The following ENPP3 variants were observed in gnomAD, a reference collection of about 807,000 sequenced individuals.
ENPP3 encodes ectonucleotide pyrophosphatase/phosphodiesterase family member 3.
A neutral mutation model predicts 117.8 loss-of-function variants in ENPP3; 104 were observed. That is an observed-to-expected ratio of 0.88 (90% CI 0.75 to 1.04). ENPP3 has a LOEUF of 1.04. ENPP3 is among the 50% of genes least tolerant of loss of function. The pLI is 0.00. For synonymous variants in ENPP3, 380 were observed against 349.9 expected (o/e 1.09, Z -0.96); for missense variants, 1,026 against 1,051.9 (o/e 0.98, Z 0.34).
chr6:131,718,825 C>T (rs1401937707), intron 16 of ENPP3, 87 bp downstream of exon 16: 1 of 728,420 alleles, frequency 1.4e-6, no homozygotes, highest in East Asian at 2.7e-5. Flanking sequence ...AGGTAAACAT[C>T]TGTCATGGGG....
intron 23 of ENPP3, among the ~76,000 whole-genome samples, chr6:131,739,471 T>C (rs953459339): frequency 1.3e-5 from 2 of 152,090 alleles, no homozygotes; most frequent in African/African-American, 4.8e-5. Flanking sequence ...TTTGTGGAAG[T>C]GCACGGCTGG....
In ENPP3 at chr6:131,709,681, C is replaced by G. The variant is rs753832224; in HGVS notation, c.1413-8991C>G. ...CTGCTTTTGATAAAAATGAACAGTT[C>G]TCTCCAATTCTTCTTCAAGATCTTT... On this transcript the variant is annotated intron_variant, in intron 15 of 24. Coordinates refer to ENST00000357639, the MANE Select transcript of ENPP3 (RefSeq NM_005021.5). 1.9e-6 allele frequency: 3 copies of G among 1,613,376 alleles called. No individual in the cohort carries two copies. The South Asian group carries it at 3.3e-5, about 18-fold the overall frequency.
At chr6:131,676,882 A>T in intron 10 of ENPP3, 81 bp downstream of exon 10, 1 of 926,610 alleles carries the variant, frequency 1.1e-6, no homozygotes, top group Non-Finnish European at 1.7e-6. Context: ...TTTACTTTAA[A>T]TTACAATTTT....
intron 15 of ENPP3, chr6:131,710,784 A>T (rs1364677868): frequency 1.9e-6 from 3 of 1,613,206 alleles, no homozygotes; most frequent in Admixed American, 1.7e-5. Flanking sequence ...GCGTTGCACC[A>T]AGTTTTTGCT....
intron 12 of ENPP3, among the ~76,000 whole-genome samples, chr6:131,684,060 A>G (rs758637157): frequency 5.9e-5 from 9 of 152,020 alleles, no homozygotes; most frequent in Non-Finnish European, 1.3e-4. Flanking sequence ...CTCTACAGAT[A>G]TTTTTTTAAG....
At chr6:131,641,076 A>G (rs1167998917) in intron 1 of ENPP3, among the ~76,000 whole-genome samples, 1 of 152,198 alleles carries the variant, frequency 6.6e-6, no homozygotes, top group African/African-American at 2.4e-5. Flanking sequence ...CAGTTCTGCA[A>G]TTCTTTTCAA....
rs1778959387 is a variant in ENPP3 at position 131,679,057 on chromosome 6, C to CT, written c.1011+1120dup. Reference sequence around the variant, plus strand: ...TCTTTCTTTCTTTCTTTCTTTCTTTCTTTCTTTCTTTCTTTCTTTCTTTCT... The same window carrying CT: ...TCTTTCTTTCTTTCTTTCTTTCTTTCTTTTCTTTCTTTCTTTCTTTCTTTCT... On this transcript the variant is annotated intron_variant, in intron 11 of 24. Transcript: ENST00000357639. 2.3e-4 allele frequency among the ~76,000 whole-genome samples: 29 copies of CT among 125,668 alleles called. No individual in the cohort carries two copies. The South Asian group carries it at 7.3e-3, about 32-fold the overall frequency. The allele number at this position is 125,668 out of a possible 152,430, so 82.4% of individuals were successfully genotyped here.
At position 131,746,791 on chromosome 6, in the gene ENPP3, T is replaced by C. The variant is rs889317545; in HGVS notation, c.2463T>C (p.Gly821=). Residue 821 remains glycine, a synonymous_variant, in exon 25 of 25, where the codon GGT becomes GGC. Coordinates refer to ENST00000357639, the MANE Select transcript of ENPP3 (RefSeq NM_005021.5). ...RPTNVESCPE[G]KPEALWVEER... ...GTTGTGCTTTTCTTTTTCAGGAAGG[T>C]AAACCAGAAGCTCTTTGGGTTGAAG... 2.5e-6 allele frequency: 4 copies of C among 1,599,150 alleles called. No individual in the cohort carries two copies. The highest frequency in any genetic ancestry group is 3.4e-6 in the Non-Finnish European group (4 of 1,175,650).
intron 2 of ENPP3, among the ~76,000 whole-genome samples, chr6:131,645,088 A>T (rs1219292829): frequency 1.3e-5 from 2 of 152,206 alleles, no homozygotes; most frequent in Non-Finnish European, 2.9e-5. Flanking sequence ...ACTCTTTGGC[A>T]TGTACCCAAC....
At chr6:131,726,481 A>C (rs1028546879) in intron 20 of ENPP3, among the ~76,000 whole-genome samples, 1 of 152,210 alleles carries the variant, frequency 6.6e-6, no homozygotes, top group African/African-American at 2.4e-5. Context: ...AAACAGAAGC[A>C]ACAGGAAGTA....
chr6:131,686,239 G>A lies in ENPP3; in HGVS notation c.1284+332G>A, dbSNP rs190681943. Among the ~76,000 whole-genome samples, 7 of 152,196 alleles carry A rather than the reference G, an allele frequency of 4.6e-5. No individual in the cohort carries two copies. In the East Asian group the frequency reaches 9.7e-4, roughly 21 times the overall value. On this transcript the variant is annotated intron_variant, in intron 14 of 24. Coordinates refer to ENST00000357639, the MANE Select transcript of ENPP3 (RefSeq NM_005021.5). ...CATTTTTTGTGTGACTAATATAAGA[G>A]GATAGTGAATTATACCTCTTACAGA...
At chr6:131,675,303 G>T (rs1778843080) in intron 9 of ENPP3, 114 bp downstream of exon 9, 2 of 670,900 alleles carry the variant, frequency 3.0e-6, no homozygotes, top group East Asian at 2.7e-5. Flanking sequence ...AAAATCTTGG[G>T]AATCACCATT....
intron 6 of ENPP3, among the ~76,000 whole-genome samples, chr6:131,659,557 T>A (rs1382132488): frequency 6.6e-6 from 1 of 152,186 alleles, no homozygotes; most frequent in African/African-American, 2.4e-5. Flanking sequence ...TTTCTGGGCC[T>A]CAGTTTCCTC....
intron 24 of ENPP3, among the ~76,000 whole-genome samples, chr6:131,746,066 C>T (rs1780629544): frequency 6.6e-6 from 1 of 151,632 alleles, no homozygotes; most frequent in Admixed American, 6.6e-5. Flanking sequence ...TGCACTCCAG[C>T]CTGGGTGACA....
intron 2 of ENPP3, chr6:131,642,907 G>A (rs1216867901): frequency 1.3e-5 from 2 of 152,102 alleles, no homozygotes; most frequent in African/African-American, 4.8e-5. Flanking sequence ...AAATTTTTAT[G>A]AGCAATAATC....
At chr6:131,740,461 A>G (rs1780504880) in intron 24 of ENPP3, 81 bp downstream of exon 24, 6 of 1,143,664 alleles carry the variant, frequency 5.2e-6, no homozygotes, top group Non-Finnish European at 7.2e-6. Flanking sequence ...GGCTCTGACT[A>G]AAACATTTTT....
chr6:131,718,649 GTAA>G lies in ENPP3; in HGVS notation c.1413-17_1413-15del, dbSNP rs555913406. The G allele has an allele frequency of 3.2e-4, 415 of 1,288,512 alleles. No homozygotes were observed. The highest frequency in any genetic ancestry group is 4.3e-4 in the Non-Finnish European group (382 of 888,566). 79.8% of individuals were successfully genotyped at this position (1,288,512 alleles called of 1,614,324 possible). On this transcript the variant is annotated intron_variant, in intron 15 of 24. Transcript: ENST00000357639. The stretch of plus-strand genomic sequence containing the variant: ...CTCATATCAATATATTGATCAGTGT[GTAA>G]TAATATTTTTTCTTTATAGGAGTAA...
At chr6:131,657,821 G>T (rs540619137) in intron 5 of ENPP3, among the ~76,000 whole-genome samples, 3 of 152,064 alleles carry the variant, frequency 2.0e-5, no homozygotes, top group Non-Finnish European at 4.4e-5. Context: ...TTCAGTTAGT[G>T]AAAATTTATC....
intron 2 of ENPP3, among the ~76,000 whole-genome samples, chr6:131,647,155 T>C (rs934261543): frequency 2.0e-5 from 3 of 152,100 alleles, no homozygotes; most frequent in Non-Finnish European, 4.4e-5. Context: ...ATTATAGGCA[T>C]GAGCCACTGC....
Sources: gnomAD v4.1 joint callset for allele counts (sites outside exome capture counted in the v4.1 genomes callset) on GRCh38, gnomAD v4.1.1 for gene constraint, MANE v1.5 for transcripts, NCBI Gene and HGNC (gene_info 2026-07-23, HGNC 2026-07-21) for gene names.